SUMF2: variants seen among roughly 807,000 people sequenced by gnomAD.
SUMF2 encodes the protein sulfatase modifying factor 2, also known as inactive C-alpha-formylglycine-generating enzyme 2.
SUMF2 carries 45 observed loss-of-function variants against 44.8 expected under a neutral mutation model. The ratio of observed to expected loss-of-function variants is 1.00; its 90% CI spans 0.79 to 1.29. The LOEUF (loss-of-function observed/expected upper bound fraction) is 1.29, where lower values mean the gene tolerates loss of function less well. SUMF2 is among the 50% of genes most tolerant of loss of function. The pLI is 0.00. For missense variants in SUMF2, 418 were observed against 389.9 expected, an observed-to-expected ratio of 1.07 and a Z score of -0.61; for synonymous variants, 148 against 150.4, an observed-to-expected ratio of 0.98 and a Z score of 0.12.
intron 6 of SUMF2, 37 bp downstream of exon 6, chr7:56,076,926 A>G (rs1795597550): frequency 1.3e-6 from 2 of 1,587,460 alleles, no homozygotes; most frequent in African/African-American, 1.3e-5. Context: ...AAGCATTGAC[A>G]GAGACCTGCT....
Position 56,069,557 on chromosome 7 carries a change from A to C in SUMF2, c.224+919A>C, listed in dbSNP as rs541095503. ...ACAGTCTGCCCCCTGAAACTTACTA[A>C]ACCATACCAAAGTATATGAAAATTC... On this transcript the variant is annotated intron_variant, in intron 2 of 8. Coordinates refer to ENST00000434526, the MANE Select transcript of SUMF2 (RefSeq NM_015411.4). 2.0e-5 allele frequency among the ~76,000 whole-genome samples: 3 copies of C among 152,036 alleles called. 1 individual carries two copies. In the South Asian group the frequency reaches 6.2e-4, roughly 32 times the overall value.
rs147437915 is a variant in SUMF2 at position 56,076,674 on chromosome 7, G to A, written c.536-160G>A. On this transcript the variant is annotated intron_variant, in intron 5 of 8. Transcript: ENST00000434526. ...CCAGGGCCCTCTAATGCAGTTCAGC[G>A]AGTGGAGAGGATGGGCATGGCAAAT... 6.9e-4 allele frequency: 418 copies of A among 605,336 alleles called. 1 individual carries two copies. Among genetic ancestry groups the A allele is most frequent in the African/African-American group, 6.9e-3 (365 of 53,168 alleles). 37.5% of individuals were successfully genotyped at this position (605,336 alleles called of 1,614,324 possible). A position where few individuals can be genotyped will look rare whatever the true frequency, so the allele number is the denominator to read the frequency against.
downstream of SUMF2, chr7:56,083,219 T>C: frequency 2.0e-6 from 3 of 1,503,692 alleles, no homozygotes; most frequent in South Asian, 1.1e-5. Context: ...ATCTCTATTC[T>C]GCAGATGGTT....
chr7:56,076,796 C>T (rs1188604801), intron 5 of SUMF2, 38 bp from the exon 6 acceptor site: 1 of 1,550,714 alleles, frequency 6.4e-7, no homozygotes, highest in Admixed American at 1.9e-5. Flanking sequence ...TAATTCTTCA[C>T]CTCCCCCTCC....
downstream of SUMF2, chr7:56,081,943 G>C: frequency 6.2e-7 from 1 of 1,613,890 alleles, no homozygotes; most frequent in Non-Finnish European, 8.5e-7. This position sits in a 1 kb window ranked among gnomAD's most constrained non-coding sequence, Gnocchi z 4.6. Context: ...GAGCCAAACT[G>C]GTAGTTGCCG....
chr7:56,065,450 C>T (rs1794720295), intron 1 of SUMF2, among the ~76,000 whole-genome samples: 1 of 152,128 alleles, frequency 6.6e-6, no homozygotes, highest in Non-Finnish European at 1.5e-5. Flanking sequence ...TATATTCAGT[C>T]TGTTCAGATT....
downstream of SUMF2, chr7:56,081,754 A>T (rs779977158): frequency 6.2e-7 from 1 of 1,612,774 alleles, no homozygotes; most frequent in South Asian, 1.1e-5. The surrounding 1 kb of genome is among the most constrained non-coding windows in gnomAD (Gnocchi z 4.6). Context: ...GAATCGGGAG[A>T]CCTGTGAGAG....
downstream of SUMF2, chr7:56,083,643 C>T: frequency 6.3e-7 from 1 of 1,577,730 alleles, no homozygotes; most frequent in Non-Finnish European, 8.6e-7. Context: ...GGCAAAGGGA[C>T]CCTCACCTGG....
At chr7:56,081,852 C>T (rs765010787), downstream of SUMF2, 22 of 1,610,632 alleles carry the variant, frequency 1.4e-5, no homozygotes, top group South Asian at 3.3e-5. The surrounding 1 kb of genome is among the most constrained non-coding windows in gnomAD (Gnocchi z 4.6). Context: ...CGCCTGGCAT[C>T]GCAGCCCTGA....
chr7:56,081,404 G>T, downstream of SUMF2: 1 of 1,420,920 alleles, frequency 7.0e-7, no homozygotes, highest in Non-Finnish European at 9.4e-7. This position sits in a 1 kb window ranked among gnomAD's most constrained non-coding sequence, Gnocchi z 4.6. Flanking sequence ...GCCTTGGGTG[G>T]CTTCTGCGGG....
chr7:56,066,955 A>AT lies in SUMF2; in HGVS notation c.68-1526dup, dbSNP rs1290362112. On this transcript the variant is annotated intron_variant, in intron 1 of 8. Transcript: ENST00000434526. Reference sequence around the variant, plus strand: ...AATTCTATGATTTTCTGAGGCATTCATACAAGTCTAAAGGTGCTCATTCAA... The same window carrying AT: ...AATTCTATGATTTTCTGAGGCATTCATTACAAGTCTAAAGGTGCTCATTCAA... Among the ~76,000 whole-genome samples the AT allele has an allele frequency of 2.6e-5, 4 of 152,330 alleles. No individual in the cohort carries two copies. The East Asian group carries it at 7.7e-4, about 29-fold the overall frequency.
chr7:56,078,902 CTTT>C (rs373822074), intron 8 of SUMF2: 20 of 393,794 alleles, frequency 5.1e-5, no homozygotes, highest in South Asian at 3.9e-4. Flanking sequence ...CACGAAAAAT[CTTT>C]TTTTTTTTTG....
chr7:56,068,678 C>A, intron 2 of SUMF2, 40 bp downstream of exon 2: 3 of 1,564,334 alleles, frequency 1.9e-6, no homozygotes, highest in South Asian at 1.2e-5. Flanking sequence ...AAGACCCTCT[C>A]TAATCTCATT....
chr7:56,086,976 A>G, the SUMF2 span: 300 of 1,612,792 alleles, frequency 1.9e-4, no homozygotes, highest in Non-Finnish European at 2.4e-4. Context: ...TTACAGGTCA[A>G]ACACCAAGAA....
At chr7:56,084,357 C>T (rs189442280), downstream of SUMF2, 52 of 543,134 alleles carry the variant, frequency 9.6e-5, 1 homozygote, top group South Asian at 1.0e-3. Flanking sequence ...ATCAGAAGGA[C>T]GTGAGTATCC....
At chr7:56,087,100 G>GC in the SUMF2 span, 1 of 1,089,820 alleles carries the variant, frequency 9.2e-7, no homozygotes, top group Non-Finnish European at 1.4e-6. Context: ...GGGGGTCAGG[G>GC]ACCGAGGCTG....
At chr7:56,071,168 A>AGC (rs1382394405) in intron 2 of SUMF2, among the ~76,000 whole-genome samples, 2 of 151,858 alleles carry the variant, frequency 1.3e-5, no homozygotes, top group Non-Finnish European at 2.9e-5. Context: ...GAATTTTTAG[A>AGC]CCAGCCTGGG....
the SUMF2 span, among the ~76,000 whole-genome samples, chr7:56,086,303 T>G: frequency 6.6e-6 from 1 of 152,072 alleles, no homozygotes; most frequent in East Asian, 1.9e-4. Flanking sequence ...TTTTCCTATA[T>G]GTACATACCT....
chr7:56,081,844 C>G (rs372050246), downstream of SUMF2: 1 of 1,609,730 alleles, frequency 6.2e-7, no homozygotes. This position sits in a 1 kb window ranked among gnomAD's most constrained non-coding sequence, Gnocchi z 4.6. Context: ...GGCAGGGGCG[C>G]CTGGCATCGC....
Sources: gnomAD v4.1 joint callset for allele counts (sites outside exome capture counted in the v4.1 genomes callset) on GRCh38, gnomAD v4.1.1 for gene constraint, Gnocchi (gnomAD v3.1) non-coding constraint, MANE v1.5 for transcripts, NCBI Gene and HGNC (gene_info 2026-07-23, HGNC 2026-07-21) for gene names.